Variants in CLSTN2 observed in about 807,000 individuals in gnomAD.
The protein encoded by CLSTN2 is calsyntenin-2.
In CLSTN2, 48 loss-of-function variants were observed where a neutral mutation model predicts 101.2. That is an observed-to-expected ratio of 0.47 (90% CI 0.38 to 0.60). The LOEUF (loss-of-function observed/expected upper bound fraction) is 0.60, where lower values mean the gene tolerates loss of function less well. CLSTN2 is among the 20% of genes least tolerant of loss of function. The probability of loss-of-function intolerance (pLI) is 0.00; values close to 1 mark genes in which losing one functional copy is unlikely to be tolerated. For synonymous variants in CLSTN2, 481 were observed against 463.6 expected (o/e 1.04, Z -0.48); for missense variants, 1,160 against 1,238.2 (o/e 0.94, Z 0.95).
At chr3:140,147,636 G>T (rs555425757) in intron 1 of CLSTN2, among the ~76,000 whole-genome samples, 1 of 152,292 alleles carries the variant, frequency 6.6e-6, no homozygotes, top group South Asian at 2.1e-4. Flanking sequence ...TGGTGGGGTA[G>T]ATCTAAGAGT....
intron 2 of CLSTN2, among the ~76,000 whole-genome samples, chr3:140,358,150 G>C (rs1292786267): frequency 6.6e-6 from 1 of 152,110 alleles, no homozygotes; most frequent in Non-Finnish European, 1.5e-5. Flanking sequence ...CCTCGACTTG[G>C]AATTCTGTGA....
intron 2 of CLSTN2, among the ~76,000 whole-genome samples, chr3:140,210,646 G>A (rs1318562665): frequency 5.3e-5 from 8 of 152,108 alleles, no homozygotes; most frequent in African/African-American, 1.9e-4. Flanking sequence ...ATATTTTATC[G>A]CAGTGAATCC....
chr3:140,068,635 T>G (rs2008339610), intron 1 of CLSTN2, among the ~76,000 whole-genome samples: 1 of 152,256 alleles, frequency 6.6e-6, no homozygotes, highest in African/African-American at 2.4e-5. Context: ...AGAATCATCC[T>G]GACAAGATGA....
At chr3:140,522,980 C>G (rs1337315994) in intron 8 of CLSTN2, among the ~76,000 whole-genome samples, 2 of 152,194 alleles carry the variant, frequency 1.3e-5, no homozygotes, top group Non-Finnish European at 2.9e-5. Flanking sequence ...TTGTCTAACA[C>G]ATGCCCTAAG....
chr3:140,386,491 A>G (rs1247950628), intron 2 of CLSTN2, among the ~76,000 whole-genome samples: 4 of 152,136 alleles, frequency 2.6e-5, no homozygotes, highest in Non-Finnish European at 5.9e-5. Flanking sequence ...CTCTCACACT[A>G]TCTCATCAGC....
At chr3:140,158,842 T>C (rs2010000741) in intron 1 of CLSTN2, among the ~76,000 whole-genome samples, 1 of 152,052 alleles carries the variant, frequency 6.6e-6, no homozygotes, top group Admixed American at 6.6e-5. Context: ...CATGGACGAA[T>C]GGAACAGAAT....
At chr3:140,164,588 T>C (rs1229036250) in intron 1 of CLSTN2, among the ~76,000 whole-genome samples, 1 of 152,190 alleles carries the variant, frequency 6.6e-6, no homozygotes, top group Non-Finnish European at 1.5e-5. Flanking sequence ...TTAATTGCAA[T>C]ACCCCTTACA....
At chr3:140,197,567 G>A (rs1330042679) in intron 2 of CLSTN2, among the ~76,000 whole-genome samples, 3 of 152,104 alleles carry the variant, frequency 2.0e-5, no homozygotes, top group Non-Finnish European at 2.9e-5. Context: ...GGCATTACTC[G>A]TTCTGATCGC....
At chr3:139,953,856 T>C (rs1935337282) in intron 1 of CLSTN2, among the ~76,000 whole-genome samples, 1 of 152,042 alleles carries the variant, frequency 6.6e-6, no homozygotes, top group South Asian at 2.1e-4. Flanking sequence ...GCTCAAATCC[T>C]TGCCTCAGGG....
chr3:140,135,731 A>G (rs886490529), intron 1 of CLSTN2, among the ~76,000 whole-genome samples: 1 of 152,146 alleles, frequency 6.6e-6, no homozygotes, highest in Non-Finnish European at 1.5e-5. Flanking sequence ...CATTTTGTAA[A>G]CTGAGATCGG....
intron 2 of CLSTN2, among the ~76,000 whole-genome samples, chr3:140,393,315 C>A (rs1236331430): frequency 6.6e-6 from 1 of 152,104 alleles, no homozygotes; most frequent in African/African-American, 2.4e-5. Context: ...TGATTTGCAC[C>A]AATTCTATGT....
At chr3:140,408,305 C>A (rs1468641900) in intron 4 of CLSTN2, among the ~76,000 whole-genome samples, 1 of 152,188 alleles carries the variant, frequency 6.6e-6, no homozygotes, top group Non-Finnish European at 1.5e-5. Flanking sequence ...TTCAATTTCA[C>A]CCCACCCCAT....
intron 4 of CLSTN2, among the ~76,000 whole-genome samples, chr3:140,413,784 A>G (rs550664283): frequency 1.3e-5 from 2 of 152,318 alleles, no homozygotes; most frequent in East Asian, 3.9e-4. Context: ...CTACATTAAC[A>G]TAATGAAGGA....
intron 2 of CLSTN2, among the ~76,000 whole-genome samples, chr3:140,195,651 A>G (rs1008139428): frequency 1.3e-5 from 2 of 152,234 alleles, no homozygotes; most frequent in Admixed American, 1.3e-4. Context: ...TTGAATTTCC[A>G]AATGTATATT....
At chr3:140,357,739 G>A (rs186473341) in intron 2 of CLSTN2, among the ~76,000 whole-genome samples, 93 of 152,276 alleles carry the variant, frequency 6.1e-4, no homozygotes, top group South Asian at 2.5e-3. Flanking sequence ...TTCAGAGACA[G>A]GGTTAGTCCT....
At chr3:140,188,791 C>G (rs540163855) in intron 2 of CLSTN2, among the ~76,000 whole-genome samples, 1 of 152,154 alleles carries the variant, frequency 6.6e-6, no homozygotes, top group Non-Finnish European at 1.5e-5. Context: ...ATACCTTACT[C>G]AGTTTCCCCC....
At chr3:139,967,999 G>A (rs1935633250) in intron 1 of CLSTN2, among the ~76,000 whole-genome samples, 1 of 152,124 alleles carries the variant, frequency 6.6e-6, no homozygotes, top group African/African-American at 2.4e-5. Context: ...GTGTGTGTGT[G>A]TGTGCATGTG....
At chr3:140,447,638 G>A (rs1397287066) in intron 5 of CLSTN2, among the ~76,000 whole-genome samples, 1 of 152,212 alleles carries the variant, frequency 6.6e-6, no homozygotes, top group Non-Finnish European at 1.5e-5. Context: ...AGTTCTGAGT[G>A]TCTGAGAATC....
chr3:140,362,325 A>T (rs1175999667), intron 2 of CLSTN2, among the ~76,000 whole-genome samples: 5 of 152,200 alleles, frequency 3.3e-5, no homozygotes. Flanking sequence ...ATCATTAATT[A>T]ACTTATACGT....
Sources: allele counts gnomAD v4.1 joint callset (sites outside exome capture counted in the v4.1 genomes callset), GRCh38; gene constraint gnomAD v4.1.1; transcripts MANE v1.5; gene names NCBI Gene and HGNC (gene_info 2026-07-23, HGNC 2026-07-21).